KIRREL1: variants seen among roughly 807,000 people sequenced by gnomAD.
KIRREL1 encodes kin of IRRE-like protein 1.
In KIRREL1, 25 loss-of-function variants were observed where a neutral mutation model predicts 83.3. That is an observed-to-expected ratio of 0.30 (90% confidence interval 0.22 to 0.42). The LOEUF (loss-of-function observed/expected upper bound fraction) is 0.42, where lower values mean the gene tolerates loss of function less well. Among genes scored for constraint, KIRREL1 ranks in the 10% least tolerant of loss-of-function variants. The pLI, the probability that KIRREL1 is intolerant of heterozygous loss-of-function variation, is 1.00. For synonymous variants in KIRREL1, 388 were observed against 410.4 expected (o/e 0.95, Z 0.66); for missense variants, 812 against 1,032.3 (o/e 0.79, Z 2.92).
Position 158,076,310 on chromosome 1 carries a change from A to G in KIRREL1, c.202+48A>G, listed in dbSNP as rs201035657. 16 of 1,569,594 alleles carry G rather than the reference A, an allele frequency of 1.0e-5. No homozygotes were observed. In the East Asian group the frequency reaches 1.6e-4, roughly 15 times the overall value. On this transcript the variant is annotated intron_variant, in intron 2 of 14. Transcript: ENST00000359209. ...TCCAAACTGTCCCATCTTCTCCGCC[A>G]TTCCCCACTTCCAGCATAGATTCCT...
intron 1 of KIRREL1, among the ~76,000 whole-genome samples, chr1:158,060,778 CG>C (rs1553241184): frequency 6.6e-6 from 1 of 152,110 alleles, no homozygotes; most frequent in Non-Finnish European, 1.5e-5. Context: ...ATGCTGGAGT[CG>C]GGGCTTGAAG....
Position 158,039,557 on chromosome 1 carries a change from A to G in KIRREL1, c.53-36556A>G, listed in dbSNP as rs142694360. Among the ~76,000 whole-genome samples the G allele has an allele frequency of 2.0e-4, 30 of 152,292 alleles. 1 individual carries two copies. In the East Asian group the frequency reaches 5.8e-3, roughly 29 times the overall value. The stretch of plus-strand genomic sequence containing the variant: ...AGAGCCGGGATGCGCCTGCACTCAC[A>G]TTACCGTATGTCTAGAACCTCCCAC... On this transcript the variant is annotated intron_variant, in intron 1 of 14. Coordinates refer to ENST00000359209, the MANE Select transcript of KIRREL1 (RefSeq NM_018240.7).
intron 1 of KIRREL1, among the ~76,000 whole-genome samples, chr1:158,069,910 A>C (rs1357981081): frequency 6.6e-6 from 1 of 152,200 alleles, no homozygotes; most frequent in Non-Finnish European, 1.5e-5. Flanking sequence ...CTTTATAAGC[A>C]GGGGCTACTT....
chr1:157,997,998 C>T (rs1659251883), intron 1 of KIRREL1, among the ~76,000 whole-genome samples: 1 of 152,094 alleles, frequency 6.6e-6, no homozygotes, highest in Admixed American at 6.5e-5. Context: ...CCTACCTCAG[C>T]CTCCTAAGTA....
rs1360361081 is a variant in KIRREL1 at position 158,039,930 on chromosome 1, G to T, written c.53-36183G>T. 4.6e-5 allele frequency among the ~76,000 whole-genome samples: 7 copies of T among 152,270 alleles called. No individual in the cohort carries two copies. The East Asian group carries it at 5.8e-4, about 13-fold the overall frequency. ...TTTTCAGTTTGTTTTGATGTGTTTG[G>T]TTTTTTGTTTTTTGGCAACCATGCC... On this transcript the variant is annotated intron_variant, in intron 1 of 14. Coordinates refer to ENST00000359209, the MANE Select transcript of KIRREL1 (RefSeq NM_018240.7).
intron 1 of KIRREL1, among the ~76,000 whole-genome samples, chr1:158,054,424 A>G (rs140292536): frequency 1.3e-5 from 2 of 152,230 alleles, no homozygotes; most frequent in Non-Finnish European, 2.9e-5. Flanking sequence ...ATTTTTTATT[A>G]TCCCAAACAG....
chr1:158,016,042 A>G (rs1431709539), intron 1 of KIRREL1, among the ~76,000 whole-genome samples: 2 of 152,212 alleles, frequency 1.3e-5, no homozygotes, highest in Non-Finnish European at 2.9e-5. Context: ...GCGGCGGCTC[A>G]AGCCTGTAAT....
chr1:157,993,736 C>G lies in KIRREL1; in HGVS notation c.52+8C>G. 6.7e-7 allele frequency: 1 copy of G among 1,484,218 alleles called. No homozygotes were observed. The highest frequency in any genetic ancestry group is 9.0e-7 in the Non-Finnish European group (1 of 1,112,794). 91.9% of individuals were successfully genotyped at this position (1,484,218 alleles called of 1,614,324 possible). A position where few individuals can be genotyped will look rare whatever the true frequency, so the allele number is the denominator to read the frequency against. ...CCGATACTTTCTCCCAAGGTAAGGG[C>G]CCCCAGCCCACCCCCGGACGCTCGG... On this transcript the variant is annotated splice_region_variant and intron_variant, in intron 1 of 14. Coordinates refer to ENST00000359209, the MANE Select transcript of KIRREL1 (RefSeq NM_018240.7).
chr1:158,023,179 C>CT (rs1660053028), intron 1 of KIRREL1, among the ~76,000 whole-genome samples: 1 of 152,168 alleles, frequency 6.6e-6, no homozygotes, highest in South Asian at 2.1e-4. Context: ...CCCCATTTTC[C>CT]TTTGGGAGTG....
rs144343416 is a variant in KIRREL1, at chr1:158,083,565, T to C, written c.353-857T>C. 4.6e-5 allele frequency among the ~76,000 whole-genome samples: 7 copies of C among 152,318 alleles called. No homozygotes were observed. The East Asian group carries it at 1.2e-3, about 25-fold the overall frequency. ...GGCAGTTGTAGCCATTGAAGGTGCT[T>C]GAGCAGGGGAGTGGCACATACTTAG... On this transcript the variant is annotated intron_variant, in intron 3 of 14. Coordinates refer to ENST00000359209, the MANE Select transcript of KIRREL1 (RefSeq NM_018240.7).
chr1:158,002,511 G>A (rs376195544), intron 1 of KIRREL1, among the ~76,000 whole-genome samples: 1 of 152,230 alleles, frequency 6.6e-6, no homozygotes, highest in Non-Finnish European at 1.5e-5. Flanking sequence ...TCCCACCAGG[G>A]GGGGTGAGAG....
chr1:158,066,258 G>T (rs1661355347), intron 1 of KIRREL1, among the ~76,000 whole-genome samples: 1 of 151,914 alleles, frequency 6.6e-6, no homozygotes, highest in Admixed American at 6.6e-5. Context: ...GACCATCAAG[G>T]CCTTTCCTAC....
intron 1 of KIRREL1, among the ~76,000 whole-genome samples, chr1:158,010,396 T>TAC (rs56077512): frequency 0.093 from 4,115 of 44,440 alleles, 367 homozygotes; most frequent in Admixed American, 0.096. Context: ...CACACATGCA[T>TAC]ACACACACAC....
At chr1:158,004,571 T>C (rs1425803252) in intron 1 of KIRREL1, among the ~76,000 whole-genome samples, 4 of 152,222 alleles carry the variant, frequency 2.6e-5, no homozygotes. Context: ...AACAGAGTGA[T>C]AGCACCCACT....
At position 158,027,887 on chromosome 1, in the gene KIRREL1, T is replaced by C. The variant is rs1430511954; in HGVS notation, c.52+34159T>C. On this transcript the variant is annotated intron_variant, in intron 1 of 14. Transcript: ENST00000359209. ...CTTATTAGGGTGCTTGGAAAAGGAT[T>C]GACCTTCAGGAAGAATTAATAGGAT... is the stretch of plus-strand genomic sequence containing the variant. Among the ~76,000 whole-genome samples, 3 of 152,274 alleles carry C rather than the reference T, an allele frequency of 2.0e-5. No homozygotes were observed. In the East Asian group the frequency reaches 5.8e-4, roughly 29 times the overall value.
intron 1 of KIRREL1, among the ~76,000 whole-genome samples, chr1:158,055,480 A>T (rs889110091): frequency 2.0e-5 from 3 of 152,156 alleles, no homozygotes; most frequent in Non-Finnish European, 4.4e-5. Context: ...TGAATTATGT[A>T]TCAGTAGCCT....
chr1:158,015,883 G>T (rs1446846444), intron 1 of KIRREL1, among the ~76,000 whole-genome samples: 1 of 152,052 alleles, frequency 6.6e-6, no homozygotes, highest in East Asian at 1.9e-4. Flanking sequence ...CCCCATCCCA[G>T]TGTCTAGTTT....
In KIRREL1 at chr1:158,096,370, T is replaced by A. The variant is rs1662355363; in HGVS notation, c.*1250T>A. On this transcript the variant is annotated 3_prime_UTR_variant, in exon 15 of 15. Transcript: ENST00000359209. ...AGACAGGTTTTGGTTTTTAAGTGTC[T>A]TTTTTTTTTTTCTTGGACCAATCAG... 1.1e-5 allele frequency: 2 copies of A among 182,086 alleles called. No homozygotes were observed. Among genetic ancestry groups the A allele is most frequent in the Non-Finnish European group, 2.3e-5 (2 of 86,316 alleles). 11.3% of individuals were successfully genotyped at this position (182,086 alleles called of 1,614,324 possible). A position where few individuals can be genotyped will look rare whatever the true frequency, so the allele number is the denominator to read the frequency against.
At chr1:158,073,117 G>A (rs1053379500) in intron 1 of KIRREL1, among the ~76,000 whole-genome samples, 1 of 152,122 alleles carries the variant, frequency 6.6e-6, no homozygotes, top group Non-Finnish European at 1.5e-5. Context: ...TTGGCTGCAG[G>A]GGCTGTTTTG....
Sources: gnomAD v4.1 joint callset for allele counts (sites outside exome capture counted in the v4.1 genomes callset) on GRCh38, gnomAD v4.1.1 for gene constraint, MANE v1.5 for transcripts, NCBI Gene and HGNC (gene_info 2026-07-23, HGNC 2026-07-21) for gene names.